PTPRD: variants seen among roughly 807,000 people sequenced by gnomAD.
The protein encoded by PTPRD is receptor-type tyrosine-protein phosphatase delta.
PTPRD carries 34 observed loss-of-function variants against 214.5 expected under a neutral mutation model. The observed-to-expected ratio is 0.16, with a 90% confidence interval of 0.12 to 0.21. The LOEUF is 0.21. Ranked by LOEUF, PTPRD falls within the 10% of genes least tolerant of loss-of-function variation. PTPRD has a pLI of 1.00. For synonymous variants in PTPRD, 1,128 were observed against 845.7 expected, an observed-to-expected ratio of 1.33 and a Z score of -5.79; for missense variants, 2,545 against 2,398.7, an observed-to-expected ratio of 1.06 and a Z score of -1.27.
At chr9:8,774,698 C>A (rs929125715) in intron 11 of PTPRD, among the ~76,000 whole-genome samples, 3 of 151,872 alleles carry the variant, frequency 2.0e-5, no homozygotes, top group African/African-American at 7.3e-5. Context: ...CCACACCTGG[C>A]TAATTTTGTA....
Position 9,632,737 on chromosome 9 carries a change from T to G in PTPRD, c.-286-57956A>C, listed in dbSNP as rs141406031. Among the ~76,000 whole-genome samples, 254 of 152,242 alleles carry G rather than the reference T, an allele frequency of 1.7e-3. 1 individual carries two copies. The highest frequency in any genetic ancestry group is 3.0e-3 in the Non-Finnish European group (203 of 68,028). On this transcript the variant is annotated intron_variant, in intron 7 of 45. Transcript: ENST00000381196. ...TTACCAGGTGGTTCAACAGGATGCCTGACAAACTATAAAATAAATGGGACA... is the reference window on the plus strand; with the variant it reads ...TTACCAGGTGGTTCAACAGGATGCCGGACAAACTATAAAATAAATGGGACA...
intron 12 of PTPRD, among the ~76,000 whole-genome samples, chr9:8,641,616 TGG>T (rs2096578022): frequency 3.0e-5 from 4 of 133,388 alleles, no homozygotes; most frequent in African/African-American, 1.2e-4. Flanking sequence ...AACAGAGACA[TGG>T]CCGATATTCT....
intron 11 of PTPRD, among the ~76,000 whole-genome samples, chr9:8,987,517 G>A (rs1485677146): frequency 6.6e-6 from 1 of 152,146 alleles, no homozygotes; most frequent in African/African-American, 2.4e-5. Flanking sequence ...AAAGTGCTGT[G>A]TTCATGTGTG....
At position 8,848,668 on chromosome 9, in the gene PTPRD, G is replaced by A. The variant is rs150397120; in HGVS notation, c.-103-114722C>T. 6.8e-3 allele frequency among the ~76,000 whole-genome samples: 1,038 copies of A among 152,032 alleles called. 10 individuals are homozygous for A. The highest frequency in any genetic ancestry group is 0.023 in the African/African-American group (947 of 41,434). On this transcript the variant is annotated intron_variant, in intron 11 of 45. Transcript: ENST00000381196. ...TGTCATTGGGCGTACTTGCCTGGAC[G>A]ATGTGAGATAAATATTTTTTTTAAA...
At chr9:8,382,951 C>G (rs982182945) in intron 37 of PTPRD, among the ~76,000 whole-genome samples, 1 of 152,174 alleles carries the variant, frequency 6.6e-6, no homozygotes, top group Non-Finnish European at 1.5e-5. Flanking sequence ...AGCATTTGCT[C>G]TCCATTAAAC....
intron 9 of PTPRD, among the ~76,000 whole-genome samples, chr9:9,203,765 G>T (rs1371825098): frequency 6.6e-6 from 1 of 152,058 alleles, no homozygotes; most frequent in Admixed American, 6.6e-5. Context: ...GTATTTTATG[G>T]ACTCAGACAA....
At chr9:9,399,169 A>G (rs2069144525) in intron 8 of PTPRD, among the ~76,000 whole-genome samples, 1 of 152,094 alleles carries the variant, frequency 6.6e-6, no homozygotes. Context: ...TTACATATCA[A>G]GAGAAGGTAT....
intron 2 of PTPRD, among the ~76,000 whole-genome samples, chr9:10,540,469 C>A (rs1323571943): frequency 6.6e-6 from 1 of 152,134 alleles, no homozygotes; most frequent in East Asian, 1.9e-4. Flanking sequence ...GAAATCAAAC[C>A]ACTAAATTAT....
intron 9 of PTPRD, among the ~76,000 whole-genome samples, chr9:9,235,686 T>G (rs748713992): frequency 1.3e-5 from 2 of 152,164 alleles, no homozygotes; most frequent in African/African-American, 4.8e-5. Flanking sequence ...AAAAGCCAGA[T>G]AAAAAAGGTC....
chr9:8,431,863 C>A (rs2095077201), intron 35 of PTPRD, among the ~76,000 whole-genome samples: 1 of 152,160 alleles, frequency 6.6e-6, no homozygotes, highest in South Asian at 2.1e-4. Context: ...AGGGAGGAGT[C>A]CCTCTTTTTC....
chr9:9,840,959 G>A (rs2058186981), intron 5 of PTPRD, among the ~76,000 whole-genome samples: 1 of 152,000 alleles, frequency 6.6e-6, no homozygotes, highest in Admixed American at 6.6e-5. Context: ...AATAAACTGT[G>A]AGTGATGGTG....
intron 5 of PTPRD, among the ~76,000 whole-genome samples, chr9:9,932,247 GAGA>G (rs1305024757): frequency 7.9e-5 from 12 of 150,978 alleles, no homozygotes; most frequent in East Asian, 7.7e-4. Flanking sequence ...GACGAGCTGA[GAGA>G]AGAAGGCTTC....
intron 9 of PTPRD, among the ~76,000 whole-genome samples, chr9:9,382,648 G>C (rs541665714): frequency 2.0e-4 from 30 of 152,134 alleles, no homozygotes; most frequent in South Asian, 1.5e-3. Context: ...AAGAGAGAGA[G>C]AGAATAAGTG....
At chr9:8,788,789 A>C (rs1056177695) in intron 11 of PTPRD, among the ~76,000 whole-genome samples, 2 of 152,202 alleles carry the variant, frequency 1.3e-5, no homozygotes, top group African/African-American at 4.8e-5. Flanking sequence ...GAAGAACAGA[A>C]TTCATTTATC....
In PTPRD at chr9:8,541,443, C is replaced by T. The variant is rs573830922; in HGVS notation, c.353-12664G>A. Reference sequence around the variant, plus strand: ...GATGGGTCTCACTAAGTTGCCCAGGCTAGTCTGAAACTCCTGAGTTCAAGT... The same window carrying T: ...GATGGGTCTCACTAAGTTGCCCAGGTTAGTCTGAAACTCCTGAGTTCAAGT... On this transcript the variant is annotated intron_variant, in intron 14 of 45. Transcript: ENST00000381196. Among the ~76,000 whole-genome samples, 10 of 152,264 alleles carry T rather than the reference C, an allele frequency of 6.6e-5. No individual in the cohort carries two copies. The South Asian group carries it at 2.1e-3, about 32-fold the overall frequency.
intron 5 of PTPRD, among the ~76,000 whole-genome samples, chr9:9,792,407 T>C (rs1296141451): frequency 6.6e-6 from 1 of 152,196 alleles, no homozygotes; most frequent in Admixed American, 6.5e-5. Context: ...CTTTTTCATT[T>C]TAAGTGATCA....
intron 3 of PTPRD, among the ~76,000 whole-genome samples, chr9:10,238,348 C>T (rs1380219689): frequency 6.6e-6 from 1 of 151,842 alleles, no homozygotes; most frequent in African/African-American, 2.4e-5. Context: ...CCATCTCTTA[C>T]CAATCAGAAC....
In PTPRD at chr9:10,035,315, T is replaced by C. The variant is rs377369663; in HGVS notation, c.-544-1525A>G. 3.3e-5 allele frequency among the ~76,000 whole-genome samples: 5 copies of C among 152,174 alleles called. No individual in the cohort carries two copies. The East Asian group carries it at 7.7e-4, about 23-fold the overall frequency. On this transcript the variant is annotated intron_variant, in intron 3 of 45. Transcript: ENST00000381196. ...TTTTTTCTTGTAAATTTGTTTATGTTCCTTATACATACTGGATATTAGACC... is the reference window on the plus strand; with the variant it reads ...TTTTTTCTTGTAAATTTGTTTATGTCCCTTATACATACTGGATATTAGACC...
chr9:9,760,411 G>C (rs1345565001), intron 6 of PTPRD, among the ~76,000 whole-genome samples: 1 of 151,916 alleles, frequency 6.6e-6, no homozygotes, highest in East Asian at 1.9e-4. Context: ...ATTTCAAGGA[G>C]ACACAAGGGC....
Sources: gnomAD v4.1 joint callset for allele counts (sites outside exome capture counted in the v4.1 genomes callset) on GRCh38, gnomAD v4.1.1 for gene constraint, MANE v1.5 for transcripts, NCBI Gene and HGNC (gene_info 2026-07-23, HGNC 2026-07-21) for gene names.